Variants in ARHGAP39 observed in about 807,000 individuals in gnomAD.
ARHGAP39 encodes the protein rho GTPase-activating protein 39.
A neutral mutation model predicts 106.9 loss-of-function variants in ARHGAP39; 44 were observed. The observed-to-expected ratio is 0.41, with a 90% CI of 0.32 to 0.53. The LOEUF (loss-of-function observed/expected upper bound fraction) is 0.53, where lower values mean the gene tolerates loss of function less well. Among genes scored for constraint, ARHGAP39 ranks in the 20% least tolerant of loss-of-function variants. ARHGAP39 has a pLI of 0.21. For missense variants in ARHGAP39, 1,496 were observed against 1,577.3 expected (o/e 0.95, Z 0.87); for synonymous variants, 768 against 693.2 (o/e 1.11, Z -1.69).
intron 1 of ARHGAP39, among the ~76,000 whole-genome samples, chr8:144,638,676 CTCT>C (rs1353905288): frequency 6.6e-6 from 1 of 152,066 alleles, no homozygotes; most frequent in African/African-American, 2.4e-5. Flanking sequence ...TCCTGCTGAT[CTCT>C]TGTTTTCTGC....
rs183694344 is a variant in ARHGAP39, at chr8:144,640,774, C to T, written c.-81-35079G>A. On this transcript the variant is annotated intron_variant, in intron 1 of 11. Transcript: ENST00000377307. ...ATTGTTGAAAACGAAGCCGAGTTTT[C>T]GATTCACACAGTTGTCTGTTTTAAC... is the stretch of plus-strand genomic sequence containing the variant. Among the ~76,000 whole-genome samples the T allele has an allele frequency of 6.6e-3, 1,007 of 152,268 alleles. 6 individuals carry two copies. The highest frequency in any genetic ancestry group is 0.011 in the Non-Finnish European group (741 of 68,018).
At chr8:144,678,269 C>A (rs545220246) in intron 1 of ARHGAP39, among the ~76,000 whole-genome samples, 2 of 149,970 alleles carry the variant, frequency 1.3e-5, no homozygotes, top group East Asian at 3.9e-4. Context: ...GACTCTCTCT[C>A]TAAAAAAAAA....
rs1358589335 is a variant in ARHGAP39 at position 144,530,433 on chromosome 8, C to T, written c.3334G>A (p.Gly1112Ser). 3 of 1,604,516 alleles carry T rather than the reference C, an allele frequency of 1.9e-6. No individual in the cohort carries two copies. The highest frequency in any genetic ancestry group is 2.6e-6 in the Non-Finnish European group (3 of 1,174,918). The part of the protein sequence containing the change: ...IQHLDTSFME[G>S]VL ...CCCGGGCGCCCCCGCTACAGCACACCCTCCATGAAGCTGGTGTCCAGGTGC... is the reference window on the plus strand; with the variant it reads ...CCCGGGCGCCCCCGCTACAGCACACTCTCCATGAAGCTGGTGTCCAGGTGC... Residue 1112 changes from glycine to serine, a missense_variant, in exon 12 of 12, where the codon GGT becomes AGT. Gly to Ser is a moderately conservative substitution (Grantham distance 56). Around this residue, in one of 4 missense-constraint regions of ARHGAP39, gnomAD observed 470 missense variants for 605.1 expected, o/e 0.78. Coordinates refer to ENST00000377307, the MANE Select transcript of ARHGAP39 (RefSeq NM_025251.3).
rs575669063 is a variant in ARHGAP39 at position 144,563,194 on chromosome 8, T to A, written c.513-7551A>T. ...GAAAACTGAAGATAATGTGAAAATA[T>A]AAGCCTATGTTTATTGTGTTTTTCA... On this transcript the variant is annotated intron_variant, in intron 3 of 11. Transcript: ENST00000377307. Among the ~76,000 whole-genome samples the A allele has an allele frequency of 9.8e-5, 15 of 152,328 alleles. 1 individual carries two copies. The South Asian group carries it at 2.9e-3, about 29-fold the overall frequency.
At chr8:144,541,722 C>T (rs1252715772) in intron 6 of ARHGAP39, among the ~76,000 whole-genome samples, 1 of 152,150 alleles carries the variant, frequency 6.6e-6, no homozygotes, top group Non-Finnish European at 1.5e-5. Flanking sequence ...AATAATTTTC[C>T]ATTTTGTGGC....
chr8:144,599,899 A>C (rs1309446619), intron 2 of ARHGAP39, among the ~76,000 whole-genome samples: 1 of 152,218 alleles, frequency 6.6e-6, no homozygotes, highest in Non-Finnish European at 1.5e-5. Context: ...CAGATGAGCA[A>C]GTGAGTAAAC....
At chr8:144,570,995 C>T (rs1156286069) in intron 3 of ARHGAP39, among the ~76,000 whole-genome samples, 1 of 152,050 alleles carries the variant, frequency 6.6e-6, no homozygotes, top group African/African-American at 2.4e-5. Flanking sequence ...AATTAATAGC[C>T]TACCAACCAA....
At chr8:144,653,389 G>A (rs754789650) in intron 1 of ARHGAP39, among the ~76,000 whole-genome samples, 3 of 152,278 alleles carry the variant, frequency 2.0e-5, no homozygotes, top group Non-Finnish European at 4.4e-5. Flanking sequence ...ACTACAAACA[G>A]TAAAAGGAAC....
At chr8:144,618,261 G>A (rs968784883) in intron 1 of ARHGAP39, among the ~76,000 whole-genome samples, 6 of 152,218 alleles carry the variant, frequency 3.9e-5, no homozygotes, top group Admixed American at 6.5e-5. Context: ...TCCTGGTGTG[G>A]GGCTGGGGCC....
chr8:144,547,203 G>T lies in ARHGAP39; in HGVS notation c.1883C>A (p.Pro628His). The stretch of plus-strand genomic sequence containing the variant: ...GACGCTCTTCTCCAGCAGGATCTGG[G>T]GGAAGCCTAGCTTCTCGAAGGTGCC... ...RRGTFEKLGF[P>H]QILLEKSVSV... Residue 628 changes from proline (P) to histidine (H), a missense_variant, in exon 5 of 12, where the codon CCC (proline) becomes CAC (histidine). Coordinates refer to ENST00000377307, the MANE Select transcript of ARHGAP39 (RefSeq NM_025251.3). The surrounding 1 kb of genome is among the most constrained non-coding windows in gnomAD (Gnocchi z 5.2). 6.2e-7 allele frequency: 1 copy of T among 1,612,404 alleles called. No homozygotes were observed. Among genetic ancestry groups the T allele is most frequent in the African/African-American group, 1.3e-5 (1 of 75,016 alleles).
intron 4 of ARHGAP39, among the ~76,000 whole-genome samples, chr8:144,552,333 G>C (rs919304558): frequency 2.0e-5 from 3 of 152,260 alleles, no homozygotes; most frequent in African/African-American, 4.8e-5. Flanking sequence ...TGTCGCTCCT[G>C]AGAAGCGGCT....
chr8:144,538,353 C>T (rs1461259090), intron 6 of ARHGAP39, among the ~76,000 whole-genome samples: 1 of 152,228 alleles, frequency 6.6e-6, no homozygotes, highest in Non-Finnish European at 1.5e-5. Context: ...GCTGAGGTCA[C>T]GGCTGGCAGG....
intron 6 of ARHGAP39, among the ~76,000 whole-genome samples, chr8:144,544,895 G>T (rs1817342940): frequency 6.6e-6 from 1 of 152,264 alleles, no homozygotes; most frequent in Admixed American, 6.5e-5. Context: ...AAGTGCGGCA[G>T]GCACACAGGT....
At chr8:144,653,726 G>A (rs1380991670) in intron 1 of ARHGAP39, among the ~76,000 whole-genome samples, 2 of 152,108 alleles carry the variant, frequency 1.3e-5, no homozygotes, top group Non-Finnish European at 2.9e-5. Flanking sequence ...CCTCCTGTTG[G>A]AATAACTAGA....
intron 3 of ARHGAP39, among the ~76,000 whole-genome samples, chr8:144,574,996 T>C (rs867137150): frequency 1.3e-5 from 2 of 152,226 alleles, no homozygotes; most frequent in African/African-American, 4.8e-5. Context: ...GTGTAGCCTA[T>C]TGCCCCCAGG....
At chr8:144,546,663 C>T (rs923657259) in intron 5 of ARHGAP39, among the ~76,000 whole-genome samples, 9 of 152,150 alleles carry the variant, frequency 5.9e-5, no homozygotes, top group Non-Finnish European at 8.8e-5. Flanking sequence ...CGCAACATCC[C>T]GGAATTCCTG....
chr8:144,552,833 A>G (rs1449107446), intron 4 of ARHGAP39, among the ~76,000 whole-genome samples: 1 of 151,612 alleles, frequency 6.6e-6, no homozygotes, highest in Admixed American at 6.6e-5. Flanking sequence ...CTGCATCCAT[A>G]TAATTTATTT....
At chr8:144,616,050 A>G (rs888915262) in intron 1 of ARHGAP39, among the ~76,000 whole-genome samples, 4 of 152,238 alleles carry the variant, frequency 2.6e-5, no homozygotes, top group Non-Finnish European at 4.4e-5. Context: ...CCACACGGAA[A>G]GGACGGTGCT....
intron 1 of ARHGAP39, among the ~76,000 whole-genome samples, chr8:144,654,668 T>A (rs745346168): frequency 4.6e-5 from 7 of 151,066 alleles, no homozygotes; most frequent in Non-Finnish European, 1.0e-4. Context: ...CCTTCTGAGT[T>A]GGGGCAGAAG....
Sources: gnomAD v4.1 joint callset for allele counts (sites outside exome capture counted in the v4.1 genomes callset) on GRCh38, gnomAD v4.1.1 for gene constraint, gnomAD v4.1.1 regional missense constraint, Gnocchi (gnomAD v3.1) non-coding constraint, MANE v1.5 for transcripts, NCBI Gene and HGNC (gene_info 2026-07-23, HGNC 2026-07-21) for gene names.